The following DEPDC5 variants were observed in gnomAD, a reference collection of about 807,000 sequenced individuals.
The protein encoded by DEPDC5 is DEP domain containing 5, GATOR1 subcomplex subunit.
A neutral mutation model predicts 217.3 loss-of-function variants in DEPDC5; 73 were observed. The ratio of observed to expected loss-of-function variants is 0.34; its 90% CI spans 0.28 to 0.41. The LOEUF (loss-of-function observed/expected upper bound fraction) is 0.41. Ranked by LOEUF, DEPDC5 falls within the 10% of genes least tolerant of loss-of-function variation. The probability of loss-of-function intolerance (pLI) is 1.00; values close to 1 mark genes in which losing one functional copy is unlikely to be tolerated. For missense variants in DEPDC5, 1,675 were observed against 2,070.1 expected (o/e 0.81, Z 3.70); for synonymous variants, 733 against 756.7 (o/e 0.97, Z 0.51).
In DEPDC5 at chr22:31,906,634, G is replaced by A. The variant is rs2093764674; in HGVS notation, c.*137G>A. 1 of 1,052,908 alleles carries A rather than the reference G, an allele frequency of 9.5e-7. No individual in the cohort carries two copies. Among genetic ancestry groups the A allele is most frequent in the Non-Finnish European group, 1.3e-6 (1 of 741,532 alleles). The allele number at this position is 1,052,908 out of a possible 1,614,324, so 65.2% of individuals were successfully genotyped here. A position where few individuals can be genotyped will look rare whatever the true frequency, so the allele number is the denominator to read the frequency against. On this transcript the variant is annotated 3_prime_UTR_variant, in exon 43 of 43. Coordinates refer to ENST00000651528, the MANE Select transcript of DEPDC5 (RefSeq NM_001242896.3). The surrounding 1 kb of genome is among the most constrained non-coding windows in gnomAD (Gnocchi z 5.1). ...GAGTGGGGGCCATTGTTTTTTGTTTGTTTGTTTGTTTGTTTGTTTGTTTTT... is the reference window on the plus strand; with the variant it reads ...GAGTGGGGGCCATTGTTTTTTGTTTATTTGTTTGTTTGTTTGTTTGTTTTT...
chr22:31,863,487 A>G (rs1201671380), intron 33 of DEPDC5, among the ~76,000 whole-genome samples: 1 of 151,926 alleles, frequency 6.6e-6, no homozygotes, highest in African/African-American at 2.4e-5. Context: ...TTCTTATAGG[A>G]GACTGTTATG....
intron 38 of DEPDC5, 35 bp from the exon 39 acceptor site, chr22:31,893,547 C>T (rs563227565): frequency 4.3e-5 from 64 of 1,484,664 alleles, no homozygotes; most frequent in Non-Finnish European, 5.6e-5. Flanking sequence ...CTCCTTTTCT[C>T]ACTCTCTTGG....
chr22:31,893,125 C>T (rs2093476460), intron 38 of DEPDC5, among the ~76,000 whole-genome samples: 1 of 151,940 alleles, frequency 6.6e-6, no homozygotes, highest in Admixed American at 6.6e-5. Flanking sequence ...CTGCTTGCGT[C>T]GGCCTCCCAA....
At chr22:31,785,467 G>T (rs1043016988) in intron 10 of DEPDC5, among the ~76,000 whole-genome samples, 11 of 152,240 alleles carry the variant, frequency 7.2e-5, no homozygotes, top group African/African-American at 2.6e-4. Context: ...AGTTAATGAA[G>T]ACCTAAGTAA....
At chr22:31,860,442 T>C (rs1298681332) in intron 32 of DEPDC5, among the ~76,000 whole-genome samples, 9 of 152,222 alleles carry the variant, frequency 5.9e-5, no homozygotes, top group Non-Finnish European at 1.2e-4. Flanking sequence ...ACTTGAGATG[T>C]GTCAAGTGCC....
intron 18 of DEPDC5, among the ~76,000 whole-genome samples, chr22:31,807,477 G>A: frequency 6.6e-6 from 1 of 152,154 alleles, no homozygotes; most frequent in South Asian, 2.1e-4. Context: ...TGTCTCCCAA[G>A]CTGGAGTGCA....
At chr22:31,882,658 A>G (rs868181826) in intron 38 of DEPDC5, among the ~76,000 whole-genome samples, 9 of 152,232 alleles carry the variant, frequency 5.9e-5, no homozygotes, top group African/African-American at 1.9e-4. Flanking sequence ...TGTATAACAC[A>G]TTTTAGCAAA....
intron 34 of DEPDC5, among the ~76,000 whole-genome samples, chr22:31,871,571 A>G (rs910933892): frequency 1.3e-5 from 2 of 152,216 alleles, no homozygotes; most frequent in Non-Finnish European, 2.9e-5. Context: ...GCCTTCGCTC[A>G]TGCCCTTATA....
chr22:31,760,923 A>G (rs1247390728), intron 4 of DEPDC5, among the ~76,000 whole-genome samples: 1 of 151,974 alleles, frequency 6.6e-6, no homozygotes, highest in Non-Finnish European at 1.5e-5. Context: ...TTACACAGTG[A>G]ACCTTGTATC....
chr22:31,859,079 GTTTTTTTTTTTTTT>G (rs136864), intron 32 of DEPDC5: 3 of 67,018 alleles, frequency 4.5e-5, no homozygotes, highest in African/African-American at 1.2e-4. Flanking sequence ...CCATTCCTTT[GTTTTTTTTTTTTTT>G]TTTTTTTTTT....
At chr22:31,763,107 C>T (rs189406892) in intron 4 of DEPDC5, among the ~76,000 whole-genome samples, 3 of 152,290 alleles carry the variant, frequency 2.0e-5, no homozygotes, top group African/African-American at 7.2e-5. Context: ...TCTCCTGCCT[C>T]AGCCTCCTCA....
At chr22:31,852,529 G>A (rs751752474) in intron 31 of DEPDC5, among the ~76,000 whole-genome samples, 28 of 151,900 alleles carry the variant, frequency 1.8e-4, no homozygotes, top group Non-Finnish European at 3.1e-4. Context: ...AGTAGAGATG[G>A]GTTTTCTCCG....
intron 33 of DEPDC5, among the ~76,000 whole-genome samples, chr22:31,865,582 T>C (rs781590456): frequency 9.2e-5 from 14 of 152,164 alleles, no homozygotes; most frequent in Non-Finnish European, 1.5e-4. Flanking sequence ...GGAAGGAGGC[T>C]GCCTCTGTGA....
intron 29 of DEPDC5, 80 bp downstream of exon 29, chr22:31,843,892 TTCTC>T (rs372287855): frequency 1.4e-4 from 196 of 1,387,982 alleles, no homozygotes; most frequent in Non-Finnish European, 1.8e-4. Flanking sequence ...TTTCTGCCCT[TTCTC>T]TCTCTCTCCC....
At chr22:31,759,676 C>CTTTT (rs35291104) in intron 3 of DEPDC5, among the ~76,000 whole-genome samples, 3 of 94,954 alleles carry the variant, frequency 3.2e-5, no homozygotes, top group Admixed American at 1.3e-4. Context: ...CGCGCCCAGC[C>CTTTT]TTTTTTTTTT....
At position 31,784,857 on chromosome 22, in the gene DEPDC5, T is replaced by G. The variant is rs773528606; in HGVS notation, c.606T>G (p.Asp202Glu). The G allele has an allele frequency of 6.2e-7, 1 of 1,613,340 alleles. No homozygotes were observed. The highest frequency in any genetic ancestry group is 1.1e-5 in the South Asian group (1 of 91,006). The change falls in exon 10 of 43, where the codon GAT (aspartate) becomes GAG (glutamate). Residue 202 changes from aspartate to glutamate, a missense_variant. Around this residue, in one of 11 missense-constraint regions of DEPDC5, gnomAD observed 628 missense variants for 762.1 expected, o/e 0.82. Transcript: ENST00000651528. ...FEKAVNGFLA[D>E]LFTKWKEKNC... ...AAGCTGTGAATGGTTTCCTTGCTGA[T>G]CTATTTACCAAGTGGAAGGTACATT...
chr22:31,766,754 GT>G, intron 6 of DEPDC5, 86 bp downstream of exon 6: 1 of 1,266,650 alleles, frequency 7.9e-7, no homozygotes, highest in Non-Finnish European at 1.1e-6. Flanking sequence ...ATATAAAATC[GT>G]TTCTGATTTT....
chr22:31,785,994 C>T (rs369319079), intron 10 of DEPDC5, among the ~76,000 whole-genome samples: 11 of 152,132 alleles, frequency 7.2e-5, no homozygotes, highest in East Asian at 3.9e-4. Context: ...CATCTGGGTG[C>T]GGTGGCTCAT....
chr22:31,897,785 C>A, intron 40 of DEPDC5, 132 bp downstream of exon 40: 1 of 1,070,872 alleles, frequency 9.3e-7, no homozygotes, highest in Non-Finnish European at 1.3e-6. Flanking sequence ...CCAAAAGGAT[C>A]AAGGTTCTAA....
Sources: allele counts gnomAD v4.1 joint callset (sites outside exome capture counted in the v4.1 genomes callset), GRCh38; gene constraint gnomAD v4.1.1; regional missense constraint gnomAD v4.1.1; non-coding constraint Gnocchi (gnomAD v3.1); transcripts MANE v1.5; gene names NCBI Gene and HGNC (gene_info 2026-07-23, HGNC 2026-07-21).